ATP11C: variants seen among roughly 807,000 people sequenced by gnomAD.
ATP11C encodes phospholipid-transporting ATPase IG.
ATP11C carries 36 observed loss-of-function variants against 97.4 expected under a neutral mutation model. The ratio of observed to expected loss-of-function variants is 0.37; its 90% CI spans 0.28 to 0.49. The LOEUF (loss-of-function observed/expected upper bound fraction) is 0.49. Among genes scored for constraint, ATP11C ranks in the 20% least tolerant of loss-of-function variants. The pLI, the probability that ATP11C is intolerant of heterozygous loss-of-function variation, is 0.98. For synonymous variants in ATP11C, 275 were observed against 290.9 expected, an observed-to-expected ratio of 0.95 and a Z score of 0.56; for missense variants, 730 against 824.6, an observed-to-expected ratio of 0.89 and a Z score of 1.40.
intron 1 of ATP11C, among the ~76,000 whole-genome samples, chrX:139,906,963 A>G (rs1399932926): frequency 9.0e-6 from 1 of 111,380 alleles, no homozygotes; most frequent in Non-Finnish European, 1.9e-5. Flanking sequence ...TATAGGCTTC[A>G]TAACAACCCA....
In ATP11C at chrX:139,862,659, C is replaced by T. The variant is rs12011427; in HGVS notation, c.28-35836G>A. On this transcript the variant is annotated intron_variant, in intron 1 of 29. Transcript: ENST00000682941. ...AGTTATAAAGTAGGTTTCATCATCC[C>T]CACTTTGAAGAGGAGAAAATAGAGG... Among the ~76,000 whole-genome samples the T allele has an allele frequency of 1.4e-3, 156 of 111,405 alleles. 1 individual carries two copies. The highest frequency in any genetic ancestry group is 4.8e-3 in the African/African-American group (146 of 30,691).
At chrX:139,821,524 T>C (rs1253824040) in intron 2 of ATP11C, among the ~76,000 whole-genome samples, 1 of 112,658 alleles carries the variant, frequency 8.9e-6, no homozygotes, top group African/African-American at 3.2e-5. Flanking sequence ...TTTTAATTAA[T>C]CAAATAAGCA....
At chrX:139,888,445 T>C (rs1224659631) in intron 1 of ATP11C, among the ~76,000 whole-genome samples, 2 of 111,202 alleles carry the variant, frequency 1.8e-5, no homozygotes, top group African/African-American at 6.5e-5. Context: ...GCTGTATAAT[T>C]TTTCAAAACC....
At chrX:139,763,284 T>C (rs772685587) in intron 21 of ATP11C, 32 bp downstream of exon 21, 2 of 1,098,268 alleles carry the variant, frequency 1.8e-6, no homozygotes, top group Non-Finnish European at 2.5e-6. Context: ...CTGATACTTT[T>C]CACAGCTGCC....
In ATP11C at chrX:139,914,064, G is replaced by C. The variant is rs779303802; in HGVS notation, c.27+17952C>G. 1.3e-4 allele frequency among the ~76,000 whole-genome samples: 15 copies of C among 111,778 alleles called. No individual in the cohort carries two copies. The South Asian group carries it at 5.6e-3, about 42-fold the overall frequency. On this transcript the variant is annotated intron_variant, in intron 1 of 29. Coordinates refer to ENST00000682941, the MANE Select transcript of ATP11C (RefSeq NM_001353812.2). ...ACTCTAAGCCTAAACACATAGTACA[G>C]AATTATAAAGCTGGGAAATAACTTA...
chrX:139,846,391 T>C (rs190448908), intron 1 of ATP11C, among the ~76,000 whole-genome samples: 246 of 112,498 alleles, frequency 2.2e-3, no homozygotes, highest in Non-Finnish European at 2.4e-3. Flanking sequence ...TAACTAGGAA[T>C]AAAGAGCTAA....
At chrX:139,801,055 A>G (rs2082917289) in intron 7 of ATP11C, among the ~76,000 whole-genome samples, 1 of 112,264 alleles carries the variant, frequency 8.9e-6, no homozygotes, top group South Asian at 3.7e-4. Context: ...AGGTATTCCG[A>G]AGTCACACAG....
intron 1 of ATP11C, among the ~76,000 whole-genome samples, chrX:139,853,833 C>CAA (rs934664774): frequency 0.32 from 6,846 of 21,247 alleles, 1,347 homozygotes; most frequent in Non-Finnish European, 0.39. Context: ...TATCCTAAGT[C>CAA]AAAAAAAAAA....
At chrX:139,883,348 T>A (rs2084590321) in intron 1 of ATP11C, among the ~76,000 whole-genome samples, 1 of 109,842 alleles carries the variant, frequency 9.1e-6, no homozygotes, top group African/African-American at 3.3e-5. Context: ...AAAGAGATGG[T>A]TATGTGTATG....
chrX:139,906,664 C>T (rs1164449042), intron 1 of ATP11C, among the ~76,000 whole-genome samples: 2 of 109,135 alleles, frequency 1.8e-5, no homozygotes, highest in East Asian at 5.8e-4. Flanking sequence ...CACCTGTAAT[C>T]CCAGCTACTC....
At chrX:139,907,523 C>A (rs1311931326) in intron 1 of ATP11C, among the ~76,000 whole-genome samples, 3 of 110,732 alleles carry the variant, frequency 2.7e-5, no homozygotes, top group Non-Finnish European at 5.7e-5. Context: ...CTGAGCGGGG[C>A]ACATCACGAG....
intron 1 of ATP11C, among the ~76,000 whole-genome samples, chrX:139,838,488 T>C (rs2083780253): frequency 8.9e-6 from 1 of 111,842 alleles, no homozygotes; most frequent in South Asian, 3.7e-4. Context: ...GGTGGGACTG[T>C]AAAATGATTC....
rs1361193599 is a variant in ATP11C at position 139,782,530 on chromosome X, T to C, written c.1952+17A>G. ...ACACTGGTCATTAAAATAATAAGAGTATCATTTTCTAGTTACTTGTCTTCA... is the reference window on the plus strand; with the variant it reads ...ACACTGGTCATTAAAATAATAAGAGCATCATTTTCTAGTTACTTGTCTTCA... On this transcript the variant is annotated intron_variant, in intron 18 of 29. Transcript: ENST00000682941. 1.8e-6 allele frequency: 2 copies of C among 1,134,995 alleles called. No homozygotes were observed. The highest frequency in any genetic ancestry group is 3.6e-5 in the African/African-American group (2 of 55,471). 93.5% of individuals were successfully genotyped at this position (1,134,995 alleles called of 1,213,427 possible).
At chrX:139,742,749 T>C (rs1439984886) in intron 26 of ATP11C, among the ~76,000 whole-genome samples, 1 of 109,540 alleles carries the variant, frequency 9.1e-6, no homozygotes, top group Non-Finnish European at 1.9e-5. Flanking sequence ...TTGCCAAAAT[T>C]ACCTCCCTTT....
intron 1 of ATP11C, among the ~76,000 whole-genome samples, chrX:139,872,576 T>C (rs937940811): frequency 1.0e-4 from 11 of 105,837 alleles, no homozygotes; most frequent in Non-Finnish European, 1.9e-4. Flanking sequence ...AGTGTTCTCA[T>C]TGTTCAATTC....
At position 139,832,008 on chromosome X, in the gene ATP11C, G is replaced by A. The variant is rs943215931; in HGVS notation, c.28-5185C>T. On this transcript the variant is annotated intron_variant, in intron 1 of 29. Coordinates refer to ENST00000682941, the MANE Select transcript of ATP11C (RefSeq NM_001353812.2). ...TAACTCTTAAAGATAGGAGCAGTGA[G>A]GCTGAAAATCCAGCTAACCATTTAC... 41 of 565,772 alleles carry A rather than the reference G, an allele frequency of 7.2e-5. No homozygotes were observed. The South Asian group carries it at 1.5e-3, about 21-fold the overall frequency. The allele number at this position is 565,772 out of a possible 1,213,427, so 46.6% of individuals were successfully genotyped here.
intron 1 of ATP11C, among the ~76,000 whole-genome samples, chrX:139,931,133 C>G (rs1382785368): frequency 8.9e-6 from 1 of 112,180 alleles, no homozygotes; most frequent in Non-Finnish European, 1.9e-5. Flanking sequence ...CGTAAATGGT[C>G]CTGTTTCGCT....
chrX:139,848,951 C>A (rs778575126), intron 1 of ATP11C, among the ~76,000 whole-genome samples: 3 of 112,047 alleles, frequency 2.7e-5, no homozygotes, highest in Non-Finnish European at 5.6e-5. Context: ...ATTACAAATT[C>A]TTCAGTGCTA....
At position 139,774,700 on chromosome X, in the gene ATP11C, T is replaced by C. The variant is rs752991927; in HGVS notation, c.2206A>G (p.Ser736Gly). The C allele has an allele frequency of 1.7e-6, 2 of 1,206,324 alleles. No individual in the cohort carries two copies. The highest frequency in any genetic ancestry group is 3.5e-5 in the African/African-American group (2 of 57,806). ...LLHEFPKSTR[S>G]FKKAWTEHQE... ...GATGTACTTTCTTACTTTTTAAAGC[T>C]TCTAGTACTTTTAGGAAACTCATGC... Residue 736 changes from serine to glycine, a missense_variant, in exon 19 of 30, where the codon AGC becomes GGC. Ser to Gly is a moderately conservative substitution (Grantham distance 56). Transcript: ENST00000682941.
Sources: allele counts gnomAD v4.1 joint callset (sites outside exome capture counted in the v4.1 genomes callset), GRCh38; gene constraint gnomAD v4.1.1; transcripts MANE v1.5; gene names NCBI Gene and HGNC (gene_info 2026-07-23, HGNC 2026-07-21).